The following TMPRSS11E variants were observed in gnomAD, a reference collection of about 807,000 sequenced individuals.
TMPRSS11E encodes transmembrane protease serine 11E.
A neutral mutation model predicts 48.1 loss-of-function variants in TMPRSS11E; 38 were observed. The ratio of observed to expected loss-of-function variants is 0.79; its 90% CI spans 0.61 to 1.04. TMPRSS11E has a LOEUF of 1.04. TMPRSS11E is among the 50% of genes least tolerant of loss of function. The pLI, the probability that TMPRSS11E is intolerant of heterozygous loss-of-function variation, is 0.00. For missense variants in TMPRSS11E, 530 were observed against 510.8 expected (o/e 1.04, Z -0.36); for synonymous variants, 158 against 171.9 (o/e 0.92, Z 0.63).
intron 6 of TMPRSS11E, 85 bp from the exon 7 acceptor site, chr4:68,476,176 T>C: frequency 6.4e-7 from 1 of 1,560,308 alleles, no homozygotes; most frequent in Non-Finnish European, 8.8e-7. Context: ...GTAGAAGAAA[T>C]ATGGGACATA....
At chr4:68,466,439 T>C (rs1246801691) in intron 2 of TMPRSS11E, among the ~76,000 whole-genome samples, 192 bp from the exon 3 acceptor site, 1 of 152,134 alleles carries the variant, frequency 6.6e-6, no homozygotes, top group Non-Finnish European at 1.5e-5. Context: ...ATTCTCTAAA[T>C]CACATGATGA....
chr4:68,486,156 T>C (rs1729545886), intron 9 of TMPRSS11E, among the ~76,000 whole-genome samples: 1 of 152,174 alleles, frequency 6.6e-6, no homozygotes, highest in South Asian at 2.1e-4. Flanking sequence ...TCAGCTCTAA[T>C]TTTGGTTATT....
intron 1 of TMPRSS11E, among the ~76,000 whole-genome samples, chr4:68,454,548 A>G (rs1056708870): frequency 1.4e-4 from 21 of 152,118 alleles, no homozygotes; most frequent in African/African-American, 5.1e-4. Context: ...TAACTGGGGC[A>G]GAAAATTCTT....
At chr4:68,484,616 T>G (rs1363882688) in intron 9 of TMPRSS11E, among the ~76,000 whole-genome samples, 1 of 152,194 alleles carries the variant, frequency 6.6e-6, no homozygotes, top group African/African-American at 2.4e-5. Flanking sequence ...CCTTCAACTA[T>G]GATTTCTTTC....
intron 3 of TMPRSS11E, among the ~76,000 whole-genome samples, chr4:68,468,136 T>C (rs1020974811): frequency 1.3e-5 from 2 of 152,138 alleles, no homozygotes; most frequent in Non-Finnish European, 2.9e-5. Context: ...TAATAAAATG[T>C]AAGAAAGAAT....
intron 8 of TMPRSS11E, among the ~76,000 whole-genome samples, chr4:68,478,451 C>CTTTTTTTTT (rs377068765): frequency 0.14 from 10,211 of 73,390 alleles, 1,399 homozygotes; most frequent in East Asian, 0.56. Flanking sequence ...GTATCCCCCG[C>CTTTTTTTTT]TTTTTTTTTT....
intron 1 of TMPRSS11E, among the ~76,000 whole-genome samples, chr4:68,448,267 G>A (rs374805923): frequency 6.6e-6 from 1 of 151,868 alleles, no homozygotes; most frequent in African/African-American, 2.4e-5. Context: ...GTTTGAAAAT[G>A]TTAAACTTTG....
At position 68,474,775 on chromosome 4, in the gene TMPRSS11E, AT is replaced by A. The variant is rs1371660102; in HGVS notation, c.529+17del. ...ATCTAAACCATTGTAAGTTTAATAT[AT>A]TTATTAAAATAGCATTACCTGAAGG... On this transcript the variant is annotated intron_variant, in intron 6 of 9. Coordinates refer to ENST00000305363, the MANE Select transcript of TMPRSS11E (RefSeq NM_014058.4). The A allele has an allele frequency of 1.3e-6, 2 of 1,590,010 alleles. No homozygotes were observed. Among genetic ancestry groups the A allele is most frequent in the Non-Finnish European group, 1.7e-6 (2 of 1,170,632 alleles).
chr4:68,452,330 A>G (rs1728520005), intron 1 of TMPRSS11E, among the ~76,000 whole-genome samples: 1 of 151,974 alleles, frequency 6.6e-6, no homozygotes, highest in East Asian at 1.9e-4. Context: ...TTTACATTAA[A>G]TTTTGTCAGG....
chr4:68,472,124 CTTG>C (rs1315956921), intron 5 of TMPRSS11E, among the ~76,000 whole-genome samples: 5 of 151,448 alleles, frequency 3.3e-5, no homozygotes, highest in African/African-American at 1.2e-4. Context: ...TTTTGTTGTT[CTTG>C]TTGTTATTGT....
intron 9 of TMPRSS11E, among the ~76,000 whole-genome samples, chr4:68,481,205 T>C (rs1318795720): frequency 6.6e-6 from 1 of 152,234 alleles, no homozygotes; most frequent in Non-Finnish European, 1.5e-5. Flanking sequence ...CAGTCCACTG[T>C]TGATGGACAT....
chr4:68,488,730 G>A (rs1181664747), intron 9 of TMPRSS11E, among the ~76,000 whole-genome samples: 3 of 152,188 alleles, frequency 2.0e-5, no homozygotes, highest in Middle Eastern at 3.4e-3. Flanking sequence ...TAATAGAGAC[G>A]GGGTTTCACC....
intron 9 of TMPRSS11E, among the ~76,000 whole-genome samples, chr4:68,491,152 C>T (rs1729708970): frequency 6.6e-6 from 1 of 151,810 alleles, no homozygotes; most frequent in Non-Finnish European, 1.5e-5. Context: ...GATTTATTGT[C>T]TTCCTGGATT....
chr4:68,496,640 T>C lies in TMPRSS11E; in HGVS notation c.1111-3T>C. 3.7e-6 allele frequency: 6 copies of C among 1,609,444 alleles called. No individual in the cohort carries two copies. The highest frequency in any genetic ancestry group is 5.1e-6 in the Non-Finnish European group (6 of 1,178,368). The stretch of plus-strand genomic sequence containing the variant: ...AATTACTAATTTCTGTCTTCTCCTT[T>C]AGGGTGACTCTGGAGGACCACTGGT... On this transcript the variant is annotated splice_polypyrimidine_tract_variant and splice_region_variant and intron_variant, in intron 9 of 9. Transcript: ENST00000305363.
In TMPRSS11E at chr4:68,496,642, G is replaced by C; in HGVS notation, c.1111-1G>C. On this transcript the variant is annotated splice_acceptor_variant, in intron 9 of 9. Transcript: ENST00000305363. LOFTEE classifies it high-confidence loss of function. Reference sequence around the variant, plus strand: ...TTACTAATTTCTGTCTTCTCCTTTAGGGTGACTCTGGAGGACCACTGGTTA... The same window carrying C: ...TTACTAATTTCTGTCTTCTCCTTTACGGTGACTCTGGAGGACCACTGGTTA... 6.2e-7 allele frequency: 1 copy of C among 1,609,874 alleles called. No homozygotes were observed.
At chr4:68,449,189 G>A (rs764968633) in intron 1 of TMPRSS11E, among the ~76,000 whole-genome samples, 3 of 150,958 alleles carry the variant, frequency 2.0e-5, no homozygotes, top group African/African-American at 4.9e-5. Flanking sequence ...TATTCTTCTT[G>A]TACTGCCATT....
intron 9 of TMPRSS11E, among the ~76,000 whole-genome samples, chr4:68,493,327 A>G (rs1234043421): frequency 6.6e-6 from 1 of 152,170 alleles, no homozygotes; most frequent in African/African-American, 2.4e-5. Context: ...TCATCTGAAA[A>G]TGTCCCCATT....
In TMPRSS11E at chr4:68,471,477, T is replaced by G. The variant is rs1449355486; in HGVS notation, c.344T>G (p.Val115Gly). The change falls in exon 5 of 10, where the codon GTG becomes GGG. Residue 115 changes from valine to glycine, a missense_variant. Val to Gly is a moderately radical substitution (Grantham distance 109). Transcript: ENST00000305363. ...GCCCACAGTCAACAGAAGCATGGAGTGTTGGCTCATATGCTGTTGATTTGT... is the reference window on the plus strand; with the variant it reads ...GCCCACAGTCAACAGAAGCATGGAGGGTTGGCTCATATGCTGTTGATTTGT... ...VIKFSQQKHG[V>G]LAHMLLICRF... 2 of 1,562,540 alleles carry G rather than the reference T, an allele frequency of 1.3e-6. No homozygotes were observed.
chr4:68,468,616 G>T (rs1728982689), intron 3 of TMPRSS11E, among the ~76,000 whole-genome samples: 1 of 151,856 alleles, frequency 6.6e-6, no homozygotes. Flanking sequence ...ATTTTCTTTG[G>T]TCTCTTTCTG....
Sources: allele counts gnomAD v4.1 joint callset (sites outside exome capture counted in the v4.1 genomes callset), GRCh38; gene constraint gnomAD v4.1.1; transcripts MANE v1.5; gene names NCBI Gene and HGNC (gene_info 2026-07-23, HGNC 2026-07-21).